SMURF2: variants seen among roughly 807,000 people sequenced by gnomAD.
The protein encoded by SMURF2 is E3 ubiquitin-protein ligase SMURF2.
In SMURF2, 48 loss-of-function variants were observed where a neutral mutation model predicts 109.6. The ratio of observed to expected loss-of-function variants is 0.44; its 90% CI spans 0.35 to 0.56. The LOEUF is 0.56. Among genes scored for constraint, SMURF2 ranks in the 20% least tolerant of loss-of-function variants. SMURF2 has a pLI of 0.01. For synonymous variants in SMURF2, 288 were observed against 317.1 expected, an observed-to-expected ratio of 0.91 and a Z score of 0.97; for missense variants, 575 against 909.0, an observed-to-expected ratio of 0.63 and a Z score of 4.72.
At chr17:64,568,393 A>G (rs1555685272) in intron 10 of SMURF2, among the ~76,000 whole-genome samples, 1 of 152,184 alleles carries the variant, frequency 6.6e-6, no homozygotes, top group Admixed American at 6.5e-5. Flanking sequence ...CTTGACCTAA[A>G]GGGATGATCC....
rs114461017 is a variant in SMURF2 at position 64,554,464 on chromosome 17, G to A, written c.1748+392C>T. Among the ~76,000 whole-genome samples, 595 of 152,270 alleles carry A rather than the reference G, an allele frequency of 3.9e-3. 7 individuals are homozygous for A. Among genetic ancestry groups the A allele is most frequent in the African/African-American group, 0.014 (571 of 41,540 alleles). On this transcript the variant is annotated intron_variant, in intron 15 of 18. Transcript: ENST00000262435. ...GGAGAGGGAGTGGTCATGGAGAGAG[G>A]GAATGGCCTTTGATATCACATAGGG...
chr17:64,546,109 C>T (rs1452465102), intron 18 of SMURF2, among the ~76,000 whole-genome samples, 154 bp downstream of exon 18: 1 of 152,164 alleles, frequency 6.6e-6, no homozygotes, highest in East Asian at 1.9e-4. Context: ...TACCAATTTC[C>T]GAATAATCTT....
chr17:64,561,431 C>G, intron 12 of SMURF2, 69 bp downstream of exon 12: 1 of 1,016,436 alleles, frequency 9.8e-7, no homozygotes, highest in Non-Finnish European at 1.5e-6. Flanking sequence ...GAAAGTTACA[C>G]CACAGGAAGT....
intron 1 of SMURF2, among the ~76,000 whole-genome samples, chr17:64,635,047 C>A (rs1166101148): frequency 2.0e-5 from 3 of 152,052 alleles, no homozygotes; most frequent in Non-Finnish European, 2.9e-5. Context: ...TCACATAAGG[C>A]CAGGCATGGT....
At position 64,555,833 on chromosome 17, in the gene SMURF2, A is replaced by C. The variant is rs1329438595; in HGVS notation, c.1597T>G (p.Leu533Val). The C allele has an allele frequency of 6.2e-7, 1 of 1,610,764 alleles. No individual in the cohort carries two copies. The highest frequency in any genetic ancestry group is 1.3e-5 in the African/African-American group (1 of 74,820). ...ELVDPDLHNS[L>V]VWILENDITG... is the part of the protein sequence containing the mutation. Reference sequence around the variant, plus strand: ...CTCAATACATACAGTATCCACACTAAACTGTTGTGAAGATCCGGATCTACT... The same window carrying C: ...CTCAATACATACAGTATCCACACTACACTGTTGTGAAGATCCGGATCTACT... The change falls in exon 14 of 19, where the codon TTA becomes GTA. Residue 533 changes from leucine (L) to valine (V), a missense_variant. Transcript: ENST00000262435.
At chr17:64,593,716 C>A (rs1386957215) in intron 3 of SMURF2, 143 bp from the exon 4 acceptor site, 2 of 623,064 alleles carry the variant, frequency 3.2e-6, no homozygotes, top group Non-Finnish European at 5.0e-6. Context: ...TTGAGTTAAT[C>A]CACAGGATTG....
chr17:64,616,017 A>G (rs1280461591), intron 1 of SMURF2, among the ~76,000 whole-genome samples: 4 of 151,852 alleles, frequency 2.6e-5, no homozygotes, highest in Admixed American at 2.6e-4. Context: ...TTTAGTAGAG[A>G]CAGGGTTTCC....
At chr17:64,563,198 GC>G in intron 10 of SMURF2, 1 of 343,558 alleles carries the variant, frequency 2.9e-6, no homozygotes, top group Non-Finnish European at 5.3e-6. Context: ...TATCCATAAA[GC>G]TTTATACAGC....
intron 2 of SMURF2, among the ~76,000 whole-genome samples, chr17:64,605,301 G>T (rs1969953443): frequency 6.6e-6 from 1 of 152,096 alleles, no homozygotes; most frequent in African/African-American, 2.4e-5. Flanking sequence ...CATATAAGCA[G>T]AAAGATAACC....
intron 2 of SMURF2, among the ~76,000 whole-genome samples, chr17:64,600,891 T>C (rs554997494): frequency 2.0e-5 from 3 of 152,306 alleles, no homozygotes; most frequent in African/African-American, 7.2e-5. Flanking sequence ...TTGGGTGTTA[T>C]TAAACTAGTT....
At chr17:64,562,285 C>CAAAAAA (rs782461489) in intron 11 of SMURF2, among the ~76,000 whole-genome samples, 3 of 19,002 alleles carry the variant, frequency 1.6e-4, no homozygotes, top group African/African-American at 3.1e-4. Flanking sequence ...GACTCCGTCT[C>CAAAAAA]AAAAAAAAAA....
Position 64,544,445 on chromosome 17 carries a change from A to T in SMURF2, c.*1403T>A, listed in dbSNP as rs1598263806. On this transcript the variant is annotated 3_prime_UTR_variant, in exon 19 of 19. Coordinates refer to ENST00000262435, the MANE Select transcript of SMURF2 (RefSeq NM_022739.4). ...AAATTTGCTTATTTCACATCAATGT[A>T]AAAAAAAACTGATAGTACATATTTT... The T allele has an allele frequency of 1.1e-5, 1 of 94,738 alleles. No individual in the cohort carries two copies. The highest frequency in any genetic ancestry group is 1.1e-4 in the Admixed American group (1 of 9,122). 5.9% of individuals were successfully genotyped at this position (94,738 alleles called of 1,614,324 possible). A position where few individuals can be genotyped will look rare whatever the true frequency, so the allele number is the denominator to read the frequency against.
intron 2 of SMURF2, among the ~76,000 whole-genome samples, chr17:64,602,506 T>C (rs1969911519): frequency 6.6e-6 from 1 of 152,182 alleles, no homozygotes; most frequent in Non-Finnish European, 1.5e-5. Context: ...TTAACCTGAT[T>C]ATATTATTCT....
intron 3 of SMURF2, chr17:64,594,041 C>T (rs1173615461): frequency 1.3e-5 from 2 of 153,220 alleles, no homozygotes; most frequent in African/African-American, 4.8e-5. Flanking sequence ...AACGCTTTTC[C>T]CCTGCTTCTT....
intron 1 of SMURF2, among the ~76,000 whole-genome samples, chr17:64,658,708 T>A (rs1970735648): frequency 6.6e-6 from 1 of 152,208 alleles, no homozygotes; most frequent in South Asian, 2.1e-4. Context: ...CAGCCTTTGG[T>A]TTTCAGAAAC....
chr17:64,633,221 GATC>G (rs1468094086), intron 1 of SMURF2, among the ~76,000 whole-genome samples: 6 of 152,322 alleles, frequency 3.9e-5, no homozygotes, highest in African/African-American at 1.4e-4. Context: ...AGTGAGCCAT[GATC>G]ATATCACTGT....
At chr17:64,644,851 T>C (rs1970539299) in intron 1 of SMURF2, among the ~76,000 whole-genome samples, 1 of 141,726 alleles carries the variant, frequency 7.1e-6, no homozygotes. Flanking sequence ...AATATACATA[T>C]ACACAAAAAT....
intron 1 of SMURF2, among the ~76,000 whole-genome samples, chr17:64,609,912 C>CAA (rs879957059): frequency 1.5e-5 from 2 of 134,124 alleles, no homozygotes; most frequent in African/African-American, 5.3e-5. Flanking sequence ...TTTAAATTTA[C>CAA]AAAAAAAAAA....
chr17:64,575,716 A>C (rs1488201995), intron 9 of SMURF2, among the ~76,000 whole-genome samples: 2 of 152,024 alleles, frequency 1.3e-5, no homozygotes, highest in Admixed American at 6.5e-5. Flanking sequence ...AGGAAAAAAA[A>C]ACAACCTTCT....
Sources: gnomAD v4.1 joint callset for allele counts (sites outside exome capture counted in the v4.1 genomes callset) on GRCh38, gnomAD v4.1.1 for gene constraint, MANE v1.5 for transcripts, NCBI Gene and HGNC (gene_info 2026-07-23, HGNC 2026-07-21) for gene names.